The following MAGI1 variants were observed in gnomAD, a reference collection of about 807,000 sequenced individuals.
The protein encoded by MAGI1 is membrane associated guanylate kinase, WW and PDZ domain containing 1, also known as membrane-associated guanylate kinase, WW and PDZ domain-containing protein 1.
MAGI1 carries 58 observed loss-of-function variants against 139.9 expected under a neutral mutation model. The ratio of observed to expected loss-of-function variants is 0.41; its 90% CI spans 0.34 to 0.52. The LOEUF is 0.52. Among genes scored for constraint, MAGI1 ranks in the 20% least tolerant of loss-of-function variants. MAGI1 has a pLI of 0.12. For synonymous variants in MAGI1, 812 were observed against 737.9 expected, an observed-to-expected ratio of 1.10 and a Z score of -1.63; for missense variants, 1,874 against 1,901.6, an observed-to-expected ratio of 0.99 and a Z score of 0.27.
intron 5 of MAGI1, chr3:65,469,985 T>G (rs1380938337): frequency 6.7e-6 from 1 of 148,902 alleles, no homozygotes; most frequent in African/African-American, 2.4e-5. Flanking sequence ...AAAATATATT[T>G]ATTTTTAATG....
rs776944388 is a variant in MAGI1, at chr3:65,361,382, C to A, written c.3496-45G>T. 6.9e-6 allele frequency: 11 copies of A among 1,598,942 alleles called. No homozygotes were observed. The South Asian group carries it at 7.8e-5, about 11-fold the overall frequency. On this transcript the variant is annotated intron_variant, in intron 21 of 22. Transcript: ENST00000402939. ...CTAAGTGAGATTTGAAATTCATGTACGGATTCACCAAATGTTTATTAAGCA... is the reference window on the plus strand; with the variant it reads ...CTAAGTGAGATTTGAAATTCATGTAAGGATTCACCAAATGTTTATTAAGCA...
chr3:65,521,859 A>G (rs1174824694), intron 2 of MAGI1, among the ~76,000 whole-genome samples: 7 of 152,238 alleles, frequency 4.6e-5, no homozygotes, highest in East Asian at 1.9e-4. Flanking sequence ...TTGCTATTTT[A>G]AATTATAATG....
At chr3:65,795,696 TACACAC>T (rs10527666) in intron 1 of MAGI1, among the ~76,000 whole-genome samples, 11 of 139,012 alleles carry the variant, frequency 7.9e-5, no homozygotes, top group African/African-American at 1.6e-4. Context: ...GATGATAAGA[TACACAC>T]ACACACACAC....
rs150279108 is a variant in MAGI1 at position 65,493,538 on chromosome 3, G to C, written c.524C>G (p.Thr175Ser). 6.2e-7 allele frequency: 1 copy of C among 1,614,136 alleles called. No homozygotes were observed. The highest frequency in any genetic ancestry group is 8.5e-7 in the Non-Finnish European group (1 of 1,180,026). Residue 175 changes from threonine to serine, a missense_variant, in exon 3 of 23, where the codon ACT (threonine) becomes AGT (serine). By Grantham distance (58) the Thr-to-Ser change is moderately conservative. This residue lies in a region of MAGI1 where 648 missense variants were observed against 598.1 expected (regional missense o/e 1.08). Transcript: ENST00000402939. ...TTCATAGGTGCCGACTTCCAGAAGAGTCCCACTCTGCTCGAGGTCCAAGAA... is the reference window on the plus strand; with the variant it reads ...TTCATAGGTGCCGACTTCCAGAAGACTCCCACTCTGCTCGAGGTCCAAGAA... ...KEFLDLEQSGTLLEVGTYEGN... is the reference protein window; with the variant it reads ...KEFLDLEQSGSLLEVGTYEGN...
intron 2 of MAGI1, among the ~76,000 whole-genome samples, chr3:65,564,331 G>T (rs1379388273): frequency 6.6e-6 from 1 of 151,244 alleles, no homozygotes; most frequent in East Asian, 1.9e-4. Flanking sequence ...TGTGCTGCAT[G>T]AATGTCCTGA....
chr3:65,371,255 G>C (rs559037704), intron 18 of MAGI1, among the ~76,000 whole-genome samples: 39 of 152,312 alleles, frequency 2.6e-4, no homozygotes, highest in African/African-American at 9.1e-4. Flanking sequence ...CACGGGTTCA[G>C]TTCCAGATCA....
chr3:65,572,671 T>G (rs2081010814), intron 2 of MAGI1, among the ~76,000 whole-genome samples: 1 of 152,082 alleles, frequency 6.6e-6, no homozygotes, highest in African/African-American at 2.4e-5. Context: ...TAGTAGAAAT[T>G]ACCATTTATG....
intron 1 of MAGI1, among the ~76,000 whole-genome samples, chr3:65,951,103 T>A (rs967819781): frequency 6.6e-6 from 1 of 151,376 alleles, no homozygotes; most frequent in East Asian, 1.9e-4. Context: ...AGAGAGAGAA[T>A]CTCATAATGT....
At chr3:65,976,508 G>C (rs1428521806) in intron 1 of MAGI1, among the ~76,000 whole-genome samples, 1 of 152,074 alleles carries the variant, frequency 6.6e-6, no homozygotes, top group African/African-American at 2.4e-5. Flanking sequence ...GTGTGCTCCT[G>C]TAATCCCAGC....
intron 1 of MAGI1, among the ~76,000 whole-genome samples, chr3:65,979,978 T>C (rs1354308679): frequency 6.6e-6 from 1 of 152,152 alleles, no homozygotes; most frequent in Non-Finnish European, 1.5e-5. Flanking sequence ...AAACTGACCA[T>C]CATTCCCGGA....
chr3:65,779,019 C>T (rs2038714649), intron 1 of MAGI1, among the ~76,000 whole-genome samples: 1 of 152,176 alleles, frequency 6.6e-6, no homozygotes, highest in Non-Finnish European at 1.5e-5. Context: ...TGCTCCCAAA[C>T]CCCAGACAAT....
chr3:65,466,882 G>A (rs1299473929), intron 5 of MAGI1, among the ~76,000 whole-genome samples: 1 of 152,244 alleles, frequency 6.6e-6, no homozygotes, highest in East Asian at 1.9e-4. Flanking sequence ...TACCCTTGGG[G>A]CGTAGGACCA....
intron 4 of MAGI1, among the ~76,000 whole-genome samples, chr3:65,474,447 T>C (rs866295690): frequency 2.0e-5 from 3 of 152,150 alleles, no homozygotes; most frequent in Non-Finnish European, 4.4e-5. Context: ...AGGTACACAG[T>C]CCTTCAGGGT....
intron 1 of MAGI1, among the ~76,000 whole-genome samples, chr3:65,778,882 C>A (rs1050871897): frequency 6.6e-6 from 1 of 152,102 alleles, no homozygotes; most frequent in Non-Finnish European, 1.5e-5. Context: ...ACAGTTATAC[C>A]CCCCAGGGGA....
At chr3:65,998,997 T>C (rs2066601421) in intron 1 of MAGI1, among the ~76,000 whole-genome samples, 1 of 152,188 alleles carries the variant, frequency 6.6e-6, no homozygotes, top group African/African-American at 2.4e-5. Context: ...TCGCATTACA[T>C]TCTAGAAGTA....
intron 1 of MAGI1, among the ~76,000 whole-genome samples, chr3:65,885,861 A>G (rs942853034): frequency 1.3e-5 from 2 of 152,224 alleles, no homozygotes; most frequent in African/African-American, 4.8e-5. Context: ...CGAAATGGTT[A>G]TAATTTATAC....
At chr3:65,696,314 A>G (rs1459981029) in intron 1 of MAGI1, among the ~76,000 whole-genome samples, 1 of 151,910 alleles carries the variant, frequency 6.6e-6, no homozygotes, top group African/African-American at 2.4e-5. Flanking sequence ...TATAACACCT[A>G]CCACTTGAGA....
chr3:65,670,655 G>A (rs1348152893), intron 1 of MAGI1, among the ~76,000 whole-genome samples: 3 of 152,080 alleles, frequency 2.0e-5, no homozygotes, highest in Admixed American at 2.0e-4. Flanking sequence ...GTTGGTACGT[G>A]TTTCTTTCTC....
At chr3:65,693,415 A>G (rs1177008607) in intron 1 of MAGI1, among the ~76,000 whole-genome samples, 1 of 152,192 alleles carries the variant, frequency 6.6e-6, no homozygotes, top group African/African-American at 2.4e-5. Flanking sequence ...CAGTGCCCCC[A>G]TACAACCGGG....
Sources: gnomAD v4.1 joint callset for allele counts (sites outside exome capture counted in the v4.1 genomes callset) on GRCh38, gnomAD v4.1.1 for gene constraint, gnomAD v4.1.1 regional missense constraint, MANE v1.5 for transcripts, NCBI Gene and HGNC (gene_info 2026-07-23, HGNC 2026-07-21) for gene names.